DBF4: variants seen among roughly 807,000 people sequenced by gnomAD.
The protein encoded by DBF4 is DBF4-CDC7 kinase regulatory subunit, also known as protein DBF4 homolog A.
A neutral mutation model predicts 76.6 loss-of-function variants in DBF4; 25 were observed. That is an observed-to-expected ratio of 0.33 (90% CI 0.24 to 0.46). The LOEUF is 0.46. Ranked by LOEUF, DBF4 falls within the 20% of genes least tolerant of loss-of-function variation. The pLI is 1.00. For missense variants in DBF4, 638 were observed against 760.8 expected (o/e 0.84, Z 1.90); for synonymous variants, 213 against 258.0 (o/e 0.83, Z 1.67).
In DBF4 at chr7:87,888,020, G is replaced by C. The variant is rs764508682; in HGVS notation, c.558G>C (p.Leu186Phe). 6.4e-7 allele frequency: 1 copy of C among 1,558,440 alleles called. No homozygotes were observed. The highest frequency in any genetic ancestry group is 1.2e-5 in the South Asian group (1 of 83,686). The change falls in exon 6 of 12, where the codon TTG (leucine) becomes TTC (phenylalanine). Residue 186 changes from leucine to phenylalanine, a missense_variant. By Grantham distance (22) the Leu-to-Phe change is conservative. Coordinates refer to ENST00000265728, the MANE Select transcript of DBF4 (RefSeq NM_006716.4). ...ACATTGAACAAAAGAAAAAAGAGTT[G>C]TATTTACTCAAGAAATCAAGTACTT... ...RYYIEQKKKE[L>F]YLLKKSSTSV...
intron 6 of DBF4, among the ~76,000 whole-genome samples, chr7:87,895,590 C>G (rs1839612653): frequency 6.6e-6 from 1 of 151,810 alleles, no homozygotes; most frequent in Non-Finnish European, 1.5e-5. Context: ...TTTTCAAAGC[C>G]CTTGCTATGC....
At chr7:87,885,316 A>G (rs1286410840) in intron 3 of DBF4, 158 bp downstream of exon 3, 2 of 560,432 alleles carry the variant, frequency 3.6e-6, no homozygotes, top group Non-Finnish European at 6.1e-6. Flanking sequence ...GCTGTCTTTT[A>G]GGAAGGTGGG....
At chr7:87,881,454 C>A (rs945716745) in intron 2 of DBF4, among the ~76,000 whole-genome samples, 1 of 152,142 alleles carries the variant, frequency 6.6e-6, no homozygotes, top group Admixed American at 6.5e-5. Flanking sequence ...ATCCCATCCT[C>A]ATGTTCTAAC....
intron 10 of DBF4, among the ~76,000 whole-genome samples, chr7:87,902,029 T>C (rs1462964875): frequency 6.6e-6 from 1 of 152,222 alleles, no homozygotes; most frequent in African/African-American, 2.4e-5. Context: ...AATCAGAAGC[T>C]AAAGTATCTC....
In DBF4 at chr7:87,908,298, T is replaced by C. The variant is rs1839959850; in HGVS notation, c.*135T>C. ...CAAATGTAAATATTAAAAATAAATATTTGCAATTTTCTACAGAATTGAATA... is the reference window on the plus strand; with the variant it reads ...CAAATGTAAATATTAAAAATAAATACTTGCAATTTTCTACAGAATTGAATA... On this transcript the variant is annotated 3_prime_UTR_variant, in exon 12 of 12. Coordinates refer to ENST00000265728, the MANE Select transcript of DBF4 (RefSeq NM_006716.4). 1 of 966,162 alleles carries C rather than the reference T, an allele frequency of 1.0e-6. No homozygotes were observed. Among genetic ancestry groups the C allele is most frequent in the South Asian group, 3.2e-5 (1 of 31,190 alleles). The allele number at this position is 966,162 out of a possible 1,614,324, so 59.8% of individuals were successfully genotyped here.
intron 11 of DBF4, among the ~76,000 whole-genome samples, chr7:87,905,608 G>T (rs1839896189): frequency 6.6e-6 from 1 of 152,168 alleles, no homozygotes; most frequent in African/African-American, 2.4e-5. Flanking sequence ...TAAACTTAAA[G>T]GGATGGTTTC....
intron 6 of DBF4, 199 bp from the exon 7 acceptor site, chr7:87,896,275 A>G: frequency 2.3e-6 from 1 of 444,238 alleles, no homozygotes; most frequent in East Asian, 3.8e-5. Context: ...GTCAAAATCA[A>G]TTATAGCTAG....
chr7:87,901,344 G>A (rs1001623417), intron 10 of DBF4, among the ~76,000 whole-genome samples: 1 of 152,118 alleles, frequency 6.6e-6, no homozygotes, highest in Non-Finnish European at 1.5e-5. Context: ...ATAAGTAAGT[G>A]CAAAGGTCCC....
In DBF4 at chr7:87,900,419, G is replaced by C. The variant is rs775101033; in HGVS notation, c.809+70G>C. ...TCTCAATTTTTCTTTGTAAAGATTT[G>C]AAATAGTTTCATTTATGCCATAATG... On this transcript the variant is annotated intron_variant, in intron 9 of 11. Transcript: ENST00000265728. The C allele has an allele frequency of 6.1e-4, 912 of 1,485,954 alleles. 3 individuals are homozygous for C. The highest frequency in any genetic ancestry group is 7.8e-4 in the Non-Finnish European group (855 of 1,099,052). The allele number at this position is 1,485,954 out of a possible 1,614,324, so 92.0% of individuals were successfully genotyped here.
intron 6 of DBF4, among the ~76,000 whole-genome samples, chr7:87,894,646 G>A (rs948212093): frequency 1.3e-5 from 2 of 152,186 alleles, no homozygotes; most frequent in Admixed American, 6.5e-5. Context: ...AATTCTCTGA[G>A]ATATCCTTCA....
intron 10 of DBF4, among the ~76,000 whole-genome samples, 170 bp from the exon 11 acceptor site, chr7:87,904,117 CTTTTA>C (rs111282388): frequency 2.0e-5 from 3 of 152,088 alleles, no homozygotes; most frequent in Non-Finnish European, 2.9e-5. Flanking sequence ...TCAAAAGTGA[CTTTTA>C]TTTTATTTTA....
chr7:87,901,380 G>A (rs1839785426), intron 10 of DBF4, among the ~76,000 whole-genome samples: 4 of 152,148 alleles, frequency 2.6e-5, no homozygotes, highest in Admixed American at 2.6e-4. Flanking sequence ...ATGGGACCAA[G>A]GAATAGATAT....
chr7:87,883,875 GTATT>G (rs1839278075), intron 2 of DBF4, among the ~76,000 whole-genome samples: 2 of 152,034 alleles, frequency 1.3e-5, no homozygotes, highest in Middle Eastern at 3.4e-3. Context: ...TGCTTAGTGG[GTATT>G]TATAGTATAC....
intron 6 of DBF4, among the ~76,000 whole-genome samples, chr7:87,888,825 C>T (rs1437702171): frequency 6.6e-6 from 1 of 152,186 alleles, no homozygotes; most frequent in African/African-American, 2.4e-5. Context: ...TCCATTTCTT[C>T]CTTAAACTTT....
chr7:87,877,859 A>G (rs1197084178), intron 1 of DBF4, among the ~76,000 whole-genome samples, 194 bp from the exon 2 acceptor site: 3 of 152,226 alleles, frequency 2.0e-5, no homozygotes, highest in Non-Finnish European at 4.4e-5. Context: ...TTATTTTACA[A>G]TATGCGGTCT....
intron 6 of DBF4, among the ~76,000 whole-genome samples, chr7:87,894,429 G>A (rs772554299): frequency 2.0e-5 from 3 of 151,930 alleles, no homozygotes; most frequent in Non-Finnish European, 2.9e-5. Context: ...CACTGCTTGC[G>A]ACAGGGCAAG....
At chr7:87,884,643 G>A (rs917989873) in intron 2 of DBF4, among the ~76,000 whole-genome samples, 1 of 152,198 alleles carries the variant, frequency 6.6e-6, no homozygotes, top group Non-Finnish European at 1.5e-5. Flanking sequence ...CTGTTGTGCT[G>A]TTATAGGAGC....
chr7:87,880,037 C>T lies in DBF4; in HGVS notation c.219+1812C>T, dbSNP rs73706945. Among the ~76,000 whole-genome samples the T allele has an allele frequency of 7.9e-3, 1,188 of 151,328 alleles. 22 individuals are homozygous for T. The highest frequency in any genetic ancestry group is 0.027 in the African/African-American group (1,124 of 41,190). On this transcript the variant is annotated intron_variant, in intron 2 of 11. Transcript: ENST00000265728. ...TCAAATATGATGAACAACCCATTAA[C>T]TCTAGGTCTAATGGTCTAAATCAGT...
rs145583851 is a variant in DBF4 at position 87,900,289 on chromosome 7, G to A, written c.749G>A (p.Cys250Tyr). 7.5e-5 allele frequency: 120 copies of A among 1,604,010 alleles called. No homozygotes were observed. The African/African-American group carries it at 1.6e-3, about 21-fold the overall frequency. Residue 250 changes from cysteine (C) to tyrosine (Y), a missense_variant, in exon 9 of 12, where the codon TGC becomes TAC. Physicochemically the swap from Cys to Tyr is radical, Grantham distance 194. Coordinates refer to ENST00000265728, the MANE Select transcript of DBF4 (RefSeq NM_006716.4). ...PFINYSIQKP[C>Y]SPFDVDKPSS... The stretch of plus-strand genomic sequence containing the variant: ...ATAAATTATTCTATTCAGAAGCCCT[G>A]CAGTCCATTTGATGTAGACAAGCCA...
Sources: gnomAD v4.1 joint callset for allele counts (sites outside exome capture counted in the v4.1 genomes callset) on GRCh38, gnomAD v4.1.1 for gene constraint, MANE v1.5 for transcripts, NCBI Gene and HGNC (gene_info 2026-07-23, HGNC 2026-07-21) for gene names.